Variants in MICAL2 observed in about 807,000 individuals in gnomAD.
MICAL2 encodes the protein microtubule associated monooxygenase, calponin and LIM domain containing 2.
Under a neutral mutation model 127.3 loss-of-function variants are expected in MICAL2, and 77 were observed. That is an observed-to-expected ratio of 0.60 (90% CI 0.50 to 0.73). The LOEUF is 0.73. Ranked by LOEUF, MICAL2 falls within the 30% of genes least tolerant of loss-of-function variation. The pLI is 0.00. For synonymous variants in MICAL2, 570 were observed against 551.1 expected, an observed-to-expected ratio of 1.03 and a Z score of -0.48; for missense variants, 1,351 against 1,434.4, an observed-to-expected ratio of 0.94 and a Z score of 0.94.
chr11:12,230,099 G>A lies in MICAL2; in HGVS notation c.1995+2968G>A, dbSNP rs114831250. Among the ~76,000 whole-genome samples, 808 of 152,306 alleles carry A rather than the reference G, an allele frequency of 5.3e-3. 7 individuals are homozygous for A. The highest frequency in any genetic ancestry group is 0.018 in the African/African-American group (768 of 41,566). On this transcript the variant is annotated intron_variant, in intron 15 of 27. Coordinates refer to ENST00000683283, the MANE Select transcript of MICAL2 (RefSeq NM_001282663.2). Reference sequence around the variant, plus strand: ...CATCACTGAAATACCTCTGCATTCTGTCTACCACTCAATGCCAGCACAGTG... The same window carrying A: ...CATCACTGAAATACCTCTGCATTCTATCTACCACTCAATGCCAGCACAGTG...
chr11:12,286,869 C>A (rs182763698), intron 2 of MICAL2: 4 of 346,132 alleles, frequency 1.2e-5, no homozygotes, highest in Non-Finnish European at 1.6e-5. Context: ...CAAACAAAAA[C>A]ACAAAAATAT....
chr11:12,193,892 G>A (rs1449960307), intron 3 of MICAL2, among the ~76,000 whole-genome samples: 2 of 152,248 alleles, frequency 1.3e-5, no homozygotes, highest in Non-Finnish European at 2.9e-5. Context: ...TATGGAGTCA[G>A]AGTTCAGCAC....
intron 1 of MICAL2, among the ~76,000 whole-genome samples, chr11:12,131,173 G>A (rs1851382944): frequency 1.1e-5 from 1 of 87,604 alleles, no homozygotes; most frequent in Admixed American, 1.5e-4. Flanking sequence ...GGCGCCTGTA[G>A]TCCCAGCTAC....
rs1174768429 is a variant in MICAL2, at chr11:12,251,234, AGTGAGCTAAGCC to A, written c.2847+1989_2847+2000del. Among the ~76,000 whole-genome samples, 490 of 151,852 alleles carry A rather than the reference AGTGAGCTAAGCC, an allele frequency of 3.2e-3. 4 individuals carry two copies. The highest frequency in any genetic ancestry group is 0.011 in the African/African-American group (467 of 41,428). On this transcript the variant is annotated intron_variant, in intron 22 of 27. Transcript: ENST00000683283. The stretch of plus-strand genomic sequence containing the variant: ...ATTAGCCACAGATAGTTTGAGGAGC[AGTGAGCTAAGCC>A]ACAGTGAGTTTGAGGAGCAGTGAGC...
chr11:12,355,613 C>T (rs555307212), intron 34 of MICAL2, among the ~76,000 whole-genome samples: 3 of 152,122 alleles, frequency 2.0e-5, no homozygotes, highest in African/African-American at 4.8e-5. Context: ...ATGAGGTTGC[C>T]CAGTATAGGG....
chr11:12,308,793 C>T (rs1864140973), intron 29 of MICAL2, among the ~76,000 whole-genome samples: 2 of 152,158 alleles, frequency 1.3e-5, no homozygotes, highest in Admixed American at 6.5e-5. Context: ...TGATAGTGTA[C>T]ACCATTGTCT....
chr11:12,178,130 A>C (rs1857034345), intron 3 of MICAL2, among the ~76,000 whole-genome samples: 1 of 152,186 alleles, frequency 6.6e-6, no homozygotes, highest in African/African-American at 2.4e-5. Context: ...TGATTTCATC[A>C]ACTGTGCCTA....
chr11:12,321,471 C>A (rs748462518), intron 30 of MICAL2, among the ~76,000 whole-genome samples: 13 of 152,152 alleles, frequency 8.5e-5, no homozygotes, highest in Non-Finnish European at 1.5e-4. Context: ...TTGCTCCCCA[C>A]TGCCTCTCCT....
intron 22 of MICAL2, 30 bp downstream of exon 22, chr11:12,249,276 G>C: frequency 1.5e-6 from 2 of 1,297,270 alleles, no homozygotes; most frequent in Non-Finnish European, 2.2e-6. Flanking sequence ...AACTTCAGCT[G>C]CCTCACCTGC....
chr11:12,262,672 C>A, intron 27 of MICAL2, 135 bp downstream of exon 27: 2 of 771,266 alleles, frequency 2.6e-6, no homozygotes, highest in South Asian at 1.6e-5. Context: ...CATTTGGTGG[C>A]ATGGTTGGCT....
chr11:12,111,418 G>A (rs1355526447), intron 1 of MICAL2, among the ~76,000 whole-genome samples: 1 of 152,204 alleles, frequency 6.6e-6, no homozygotes. Context: ...GGCTGGCCCC[G>A]GGGAGAGGTG....
At chr11:12,172,587 T>C (rs1460763165) in intron 3 of MICAL2, among the ~76,000 whole-genome samples, 1 of 152,080 alleles carries the variant, frequency 6.6e-6, no homozygotes, top group Non-Finnish European at 1.5e-5. Flanking sequence ...GACTTTCTCC[T>C]CAGTTCAGGT....
At chr11:12,215,947 G>A (rs1036328253) in intron 7 of MICAL2, among the ~76,000 whole-genome samples, 7 of 152,066 alleles carry the variant, frequency 4.6e-5, no homozygotes, top group African/African-American at 1.4e-4. Flanking sequence ...ACAATTACCC[G>A]GCTCTAACTT....
intron 29 of MICAL2, among the ~76,000 whole-genome samples, chr11:12,306,326 A>T (rs1234867163): frequency 1.3e-5 from 2 of 151,898 alleles, no homozygotes; most frequent in Non-Finnish European, 2.9e-5. Flanking sequence ...TTGTGGTTGC[A>T]TTATTCTTCT....
chr11:12,131,567 A>G (rs554853288), intron 1 of MICAL2, among the ~76,000 whole-genome samples: 1 of 152,210 alleles, frequency 6.6e-6, no homozygotes, highest in African/African-American at 2.4e-5. Context: ...ACCCTCTCAG[A>G]CCCAGTTTCC....
intron 3 of MICAL2, among the ~76,000 whole-genome samples, chr11:12,183,186 T>G (rs1422360400): frequency 6.6e-6 from 1 of 152,144 alleles, no homozygotes; most frequent in Admixed American, 6.5e-5. Flanking sequence ...TTCTTTTTTT[T>G]AAATCCTGAA....
chr11:12,225,896 C>A, intron 13 of MICAL2: 1 of 475,312 alleles, frequency 2.1e-6, no homozygotes, highest in South Asian at 3.0e-5. Flanking sequence ...TAAAATAGCT[C>A]ATAAATGTTC....
chr11:12,126,190 G>C (rs1850906794), intron 1 of MICAL2, among the ~76,000 whole-genome samples: 1 of 152,228 alleles, frequency 6.6e-6, no homozygotes, highest in Admixed American at 6.5e-5. Context: ...AGTGATAGCT[G>C]GTGCTCAAAG....
intron 1 of MICAL2, among the ~76,000 whole-genome samples, chr11:12,277,177 G>A (rs1216145143): frequency 3.9e-5 from 6 of 152,048 alleles, no homozygotes; most frequent in South Asian, 2.1e-4. Context: ...TGGAGCCTGC[G>A]TGTCAGCTGG....
Sources: allele counts gnomAD v4.1 joint callset (sites outside exome capture counted in the v4.1 genomes callset), GRCh38; gene constraint gnomAD v4.1.1; transcripts MANE v1.5; gene names NCBI Gene and HGNC (gene_info 2026-07-23, HGNC 2026-07-21).